Variants in MACIR observed in about 807,000 individuals in gnomAD.
MACIR encodes the protein macrophage immunometabolism regulator, also known as UNC119-binding protein C5orf30.
In MACIR, 4 loss-of-function variants were observed where a neutral mutation model predicts 14.3. That is an observed-to-expected ratio of 0.28 (90% confidence interval 0.14 to 0.64). The LOEUF is 0.64. Ranked by LOEUF, MACIR falls within the 30% of genes least tolerant of loss-of-function variation. MACIR has a pLI of 0.83. For synonymous variants in MACIR, 101 were observed against 102.4 expected, an observed-to-expected ratio of 0.99 and a Z score of 0.08; for missense variants, 228 against 257.6, an observed-to-expected ratio of 0.89 and a Z score of 0.79.
chr5:103,267,407 T>G (rs1554236813), intron 2 of MACIR, among the ~76,000 whole-genome samples: 3 of 151,512 alleles, frequency 2.0e-5, no homozygotes, highest in Non-Finnish European at 4.4e-5. Context: ...AATTTTTTGC[T>G]TTTTCAAATA....
At chr5:103,272,277 A>G (rs539122833) in intron 2 of MACIR, among the ~76,000 whole-genome samples, 1 of 152,178 alleles carries the variant, frequency 6.6e-6, no homozygotes, top group Non-Finnish European at 1.5e-5. Flanking sequence ...TCTTTCAGTA[A>G]GAAATTTTGC....
chr5:103,277,365 T>C lies in MACIR; in HGVS notation c.*825T>C, dbSNP rs1286941611. ...CTAACTTAAAATTCACCTGGAACTT[T>C]AAATGGGAAAGGATTCTTTTAATTG... is the stretch of plus-strand genomic sequence containing the variant. On this transcript the variant is annotated 3_prime_UTR_variant, in exon 3 of 3. Transcript: ENST00000319933. 1 of 167,110 alleles carries C rather than the reference T, an allele frequency of 6.0e-6. No homozygotes were observed. Among genetic ancestry groups the C allele is most frequent in the Non-Finnish European group, 1.5e-5 (1 of 68,104 alleles). 10.4% of individuals were successfully genotyped at this position (167,110 alleles called of 1,614,324 possible).
intron 2 of MACIR, among the ~76,000 whole-genome samples, chr5:103,271,869 C>G (rs901805506): frequency 3.9e-5 from 6 of 152,128 alleles, no homozygotes; most frequent in Admixed American, 2.0e-4. Context: ...TATTTACAGT[C>G]TATTTTTGCT....
At chr5:103,262,616 C>A (rs1342620078) in intron 1 of MACIR, among the ~76,000 whole-genome samples, 1 of 152,210 alleles carries the variant, frequency 6.6e-6, no homozygotes, top group Admixed American at 6.5e-5. Flanking sequence ...GCTCCACTTG[C>A]AGTGAAATGT....
chr5:103,260,345 T>TTA (rs1459771121), intron 1 of MACIR, among the ~76,000 whole-genome samples: 1 of 152,166 alleles, frequency 6.6e-6, no homozygotes, highest in Non-Finnish European at 1.5e-5. Flanking sequence ...AAAGTTTATT[T>TTA]TCCCAGTCAT....
intron 2 of MACIR, among the ~76,000 whole-genome samples, chr5:103,267,104 C>T (rs1804952727): frequency 6.6e-6 from 1 of 152,076 alleles, no homozygotes; most frequent in Non-Finnish European, 1.5e-5. Context: ...GTATCTATGT[C>T]TATCCATCTA....
intron 1 of MACIR, among the ~76,000 whole-genome samples, chr5:103,264,700 T>C (rs1804859091): frequency 6.6e-6 from 1 of 152,128 alleles, no homozygotes; most frequent in African/African-American, 2.4e-5. Context: ...CTGATAAACA[T>C]GCTAGTTTCT....
At chr5:103,272,204 A>G (rs1488973752) in intron 2 of MACIR, among the ~76,000 whole-genome samples, 9 of 152,214 alleles carry the variant, frequency 5.9e-5, no homozygotes, top group African/African-American at 2.2e-4. Flanking sequence ...AACCTGAAGA[A>G]TATACTGCTA....
intron 1 of MACIR, among the ~76,000 whole-genome samples, chr5:103,260,200 G>A (rs999338113): frequency 2.0e-5 from 3 of 150,974 alleles, no homozygotes; most frequent in Non-Finnish European, 4.4e-5. Context: ...GCATATTTCT[G>A]ATGTTACTAG....
rs1279742955 is a variant in MACIR, at chr5:103,271,290, G to T, written c.-23-4607G>T. Among the ~76,000 whole-genome samples the T allele has an allele frequency of 3.3e-5, 5 of 152,176 alleles. No homozygotes were observed. In the South Asian group the frequency reaches 6.2e-4, roughly 19 times the overall value. On this transcript the variant is annotated intron_variant, in intron 2 of 2. Coordinates refer to ENST00000319933, the MANE Select transcript of MACIR (RefSeq NM_033211.4). The stretch of plus-strand genomic sequence containing the variant: ...GGTCTAAGGAGCCAAGGGCATTTAG[G>T]TTATATTTTGAAAGTATTGGTATTT...
intron 2 of MACIR, among the ~76,000 whole-genome samples, chr5:103,271,772 C>T (rs1417948937): frequency 6.6e-6 from 1 of 152,058 alleles, no homozygotes; most frequent in Admixed American, 6.6e-5. Flanking sequence ...GTTGACGTTT[C>T]TATTCTTGTT....
At chr5:103,261,690 C>G (rs1264897105) in intron 1 of MACIR, among the ~76,000 whole-genome samples, 4 of 120,146 alleles carry the variant, frequency 3.3e-5, no homozygotes, top group Non-Finnish European at 7.0e-5. Context: ...TTCTTTCTTT[C>G]TTTCTTTCTT....
intron 1 of MACIR, among the ~76,000 whole-genome samples, chr5:103,265,264 A>G (rs567937633): frequency 6.6e-5 from 10 of 152,296 alleles, no homozygotes; most frequent in South Asian, 4.1e-4. Flanking sequence ...CATCAGTCTT[A>G]TGAAAGATTT....
In MACIR at chr5:103,276,525, T is replaced by G. The variant is rs553747314; in HGVS notation, c.606T>G (p.Ala202=). The G allele has an allele frequency of 6.2e-7, 1 of 1,609,740 alleles. No individual in the cohort carries two copies. The highest frequency in any genetic ancestry group is 8.5e-7 in the Non-Finnish European group (1 of 1,178,396). Reference sequence around the variant, plus strand: ...CCCTCCGAGGGGACCGTGTGTTTGCTAGGAATAATACATGAATGACTTGGA... The same window carrying G: ...CCCTCCGAGGGGACCGTGTGTTTGCGAGGAATAATACATGAATGACTTGGA... The part of the protein sequence containing the change: ...HLTLRGDRVF[A]RNNT The change falls in exon 3 of 3, where the codon GCT becomes GCG. Residue 202 remains alanine, a synonymous_variant. Transcript: ENST00000319933.
At chr5:103,267,876 C>T (rs1554236857) in intron 2 of MACIR, among the ~76,000 whole-genome samples, 1 of 151,972 alleles carries the variant, frequency 6.6e-6, no homozygotes, top group Non-Finnish European at 1.5e-5. Context: ...TGTAGTTATC[C>T]CCTCTCCCCA....
intron 1 of MACIR, among the ~76,000 whole-genome samples, chr5:103,265,652 G>C (rs2288785): frequency 2.0e-5 from 3 of 152,208 alleles, no homozygotes; most frequent in East Asian, 3.9e-4. Context: ...ATTTAGCCCA[G>C]TTAGGTACTC....
intron 2 of MACIR, among the ~76,000 whole-genome samples, chr5:103,267,268 A>T (rs1804961137): frequency 6.6e-6 from 1 of 152,202 alleles, no homozygotes. Flanking sequence ...ATCCTCTTGT[A>T]TACTTTAAAT....
At position 103,266,925 on chromosome 5, in the gene MACIR, G is replaced by A. The variant is rs1037590114; in HGVS notation, c.-24+928G>A. Among the ~76,000 whole-genome samples the A allele has an allele frequency of 4.6e-5, 7 of 152,082 alleles. No individual in the cohort carries two copies. In the East Asian group the frequency reaches 9.6e-4, roughly 21 times the overall value. On this transcript the variant is annotated intron_variant, in intron 2 of 2. Coordinates refer to ENST00000319933, the MANE Select transcript of MACIR (RefSeq NM_033211.4). Reference sequence around the variant, plus strand: ...TTTCGAACATTGGAAAATTGGAAACGTTACTAAAATTTTCAGTTTTGAGGA... The same window carrying A: ...TTTCGAACATTGGAAAATTGGAAACATTACTAAAATTTTCAGTTTTGAGGA...
chr5:103,259,882 T>C (rs72768699), intron 1 of MACIR: 2,765 of 152,424 alleles, frequency 0.018, 39 homozygotes, highest in South Asian at 0.047. Flanking sequence ...CTCTCTCTAG[T>C]GGTGGAATCT....
Sources: gnomAD v4.1 joint callset for allele counts (sites outside exome capture counted in the v4.1 genomes callset) on GRCh38, gnomAD v4.1.1 for gene constraint, MANE v1.5 for transcripts, NCBI Gene and HGNC (gene_info 2026-07-23, HGNC 2026-07-21) for gene names.